The following FGF10 variants were observed in gnomAD, a reference collection of about 807,000 sequenced individuals.
FGF10 encodes the protein FGF-10.
A neutral mutation model predicts 19.8 loss-of-function variants in FGF10; 2 were observed. The observed-to-expected ratio is 0.10, with a 90% CI of 0.04 to 0.32. The LOEUF is 0.32. FGF10 is among the 10% of genes least tolerant of loss of function. The probability of loss-of-function intolerance (pLI) is 1.00; values close to 1 mark genes in which losing one functional copy is unlikely to be tolerated. For missense variants in FGF10, 191 were observed against 246.3 expected (o/e 0.78, Z 1.50); for synonymous variants, 112 against 94.0 (o/e 1.19, Z -1.10).
chr5:44,343,023 T>TTC (rs1741003148), intron 1 of FGF10, among the ~76,000 whole-genome samples: 1 of 152,026 alleles, frequency 6.6e-6, no homozygotes, highest in African/African-American at 2.4e-5. Context: ...TGGGTGCAGA[T>TTC]TCAAATAGAG....
At chr5:44,384,980 T>A (rs1419469828) in intron 1 of FGF10, among the ~76,000 whole-genome samples, 1 of 152,064 alleles carries the variant, frequency 6.6e-6, no homozygotes, top group African/African-American at 2.4e-5. Context: ...CAGAAATAAG[T>A]CAACTGGTCC....
chr5:44,382,578 G>A (rs1241270383), intron 1 of FGF10, among the ~76,000 whole-genome samples: 1 of 152,126 alleles, frequency 6.6e-6, no homozygotes, highest in African/African-American at 2.4e-5. Flanking sequence ...TGAGAAGAAA[G>A]AGTGCCGATT....
At chr5:44,324,683 TAAAATG>T in intron 1 of FGF10, among the ~76,000 whole-genome samples, 1 of 152,130 alleles carries the variant, frequency 6.6e-6, no homozygotes, top group African/African-American at 2.4e-5. Context: ...GCATGATGAT[TAAAATG>T]TTGGTACATA....
intron 1 of FGF10, among the ~76,000 whole-genome samples, chr5:44,352,339 C>G (rs1741252894): frequency 6.6e-6 from 1 of 151,442 alleles, no homozygotes; most frequent in African/African-American, 2.4e-5. Flanking sequence ...CATGCCTGGC[C>G]CTTCATACCT....
Position 44,301,635 on chromosome 5 carries a change from G to T in FGF10, c.*3360C>A, listed in dbSNP as rs1561193732. Reference sequence around the variant, plus strand: ...TAAATTAGGTGGACCTGAATATTTAGAAAAGATTGAAAGCATTTGGTTGTT... The same window carrying T: ...TAAATTAGGTGGACCTGAATATTTATAAAAGATTGAAAGCATTTGGTTGTT... On this transcript the variant is annotated 3_prime_UTR_variant, in exon 3 of 3. Transcript: ENST00000264664. 6.6e-6 allele frequency among the ~76,000 whole-genome samples: 1 copy of T among 152,234 alleles called. No individual in the cohort carries two copies. The highest frequency in any genetic ancestry group is 2.4e-5 in the African/African-American group (1 of 41,550).
chr5:44,349,898 A>G (rs747324912), intron 1 of FGF10, among the ~76,000 whole-genome samples: 40 of 151,342 alleles, frequency 2.6e-4, no homozygotes, highest in Non-Finnish European at 3.3e-4. Context: ...GTAGTTTGTT[A>G]TTTGGATGTA....
intron 1 of FGF10, among the ~76,000 whole-genome samples, chr5:44,328,363 A>G (rs1179887005): frequency 6.6e-6 from 1 of 152,192 alleles, no homozygotes; most frequent in East Asian, 1.9e-4. Context: ...CAAGATACTT[A>G]TTTATCAGAT....
chr5:44,362,077 A>G (rs551725945), intron 1 of FGF10, among the ~76,000 whole-genome samples: 1 of 151,834 alleles, frequency 6.6e-6, no homozygotes, highest in East Asian at 2.0e-4. Flanking sequence ...AACACATAGA[A>G]GAGAGATGAT....
chr5:44,387,054 C>T lies in FGF10; in HGVS notation c.325+1304G>A, dbSNP rs182506424. The stretch of plus-strand genomic sequence containing the variant: ...ACAAAAATGTCCCCTTTAAAGGTGA[C>T]TTGGAATTTACCATTGAGATAATGC... On this transcript the variant is annotated intron_variant, in intron 1 of 2. Coordinates refer to ENST00000264664, the MANE Select transcript of FGF10 (RefSeq NM_004465.2). Among the ~76,000 whole-genome samples the T allele has an allele frequency of 2.2e-3, 329 of 152,262 alleles. 3 individuals carry two copies. The highest frequency in any genetic ancestry group is 7.7e-3 in the African/African-American group (318 of 41,534).
At chr5:44,331,995 T>C (rs1021843405) in intron 1 of FGF10, among the ~76,000 whole-genome samples, 1 of 151,970 alleles carries the variant, frequency 6.6e-6, no homozygotes, top group Non-Finnish European at 1.5e-5. Context: ...AAAAAAAACC[T>C]ACCAATTCCT....
chr5:44,383,287 T>G (rs1286587278), intron 1 of FGF10, among the ~76,000 whole-genome samples: 1 of 151,950 alleles, frequency 6.6e-6, no homozygotes, highest in Non-Finnish European at 1.5e-5. Flanking sequence ...TCTAAAGAAA[T>G]GCACTGGAAT....
intron 1 of FGF10, among the ~76,000 whole-genome samples, chr5:44,383,565 T>C (rs1158514283): frequency 6.6e-6 from 1 of 152,098 alleles, no homozygotes; most frequent in Non-Finnish European, 1.5e-5. Context: ...ACTGTTTCCT[T>C]AGGTTTCTCC....
Position 44,365,441 on chromosome 5 carries a change from T to C in FGF10, c.325+22917A>G, listed in dbSNP as rs1741585284. Among the ~76,000 whole-genome samples the C allele has an allele frequency of 2.0e-5, 3 of 151,154 alleles. No individual in the cohort carries two copies. The South Asian group carries it at 6.3e-4, about 32-fold the overall frequency. ...CTGATGCTGTAATGCTATTTAAAAA[T>C]ACATTTAGTAGGAAACTCAAAACCT... On this transcript the variant is annotated intron_variant, in intron 1 of 2. Coordinates refer to ENST00000264664, the MANE Select transcript of FGF10 (RefSeq NM_004465.2).
At chr5:44,385,967 C>A (rs1742087756) in intron 1 of FGF10, among the ~76,000 whole-genome samples, 2 of 152,082 alleles carry the variant, frequency 1.3e-5, no homozygotes, top group Admixed American at 6.5e-5. Context: ...GCAGAGTGAA[C>A]CCCTCCCCTT....
intron 1 of FGF10, among the ~76,000 whole-genome samples, chr5:44,325,685 T>C (rs1436976114): frequency 2.2e-5 from 3 of 134,370 alleles, no homozygotes; most frequent in Non-Finnish European, 4.5e-5. Flanking sequence ...AATTGAACAA[T>C]GAGAACATTT....
intron 1 of FGF10, among the ~76,000 whole-genome samples, chr5:44,380,281 A>C (rs1447635474): frequency 6.6e-6 from 1 of 152,198 alleles, no homozygotes; most frequent in Non-Finnish European, 1.5e-5. Context: ...CTTGACTTTT[A>C]TTATTATTAA....
At chr5:44,316,295 G>A (rs992229767) in intron 1 of FGF10, among the ~76,000 whole-genome samples, 3 of 152,158 alleles carry the variant, frequency 2.0e-5, no homozygotes, top group East Asian at 1.9e-4. Context: ...GTTGGGGACC[G>A]CTGGCCTATA....
At chr5:44,323,697 A>G (rs970931404) in intron 1 of FGF10, among the ~76,000 whole-genome samples, 1 of 152,190 alleles carries the variant, frequency 6.6e-6, no homozygotes, top group African/African-American at 2.4e-5. Flanking sequence ...ATTCCTAGAG[A>G]GGATGAGTGC....
At chr5:44,365,099 T>C (rs1048612836) in intron 1 of FGF10, among the ~76,000 whole-genome samples, 4 of 151,984 alleles carry the variant, frequency 2.6e-5, no homozygotes, top group African/African-American at 9.6e-5. Context: ...TTGGGAGCTG[T>C]CTAAAATAAC....
Sources: gnomAD v4.1 joint callset for allele counts (sites outside exome capture counted in the v4.1 genomes callset) on GRCh38, gnomAD v4.1.1 for gene constraint, MANE v1.5 for transcripts, NCBI Gene and HGNC (gene_info 2026-07-23, HGNC 2026-07-21) for gene names.